Variants in PUM2 observed in about 807,000 individuals in gnomAD.
PUM2 encodes pumilio RNA binding family member 2.
In PUM2, 57 loss-of-function variants were observed where a neutral mutation model predicts 124.5. The ratio of observed to expected loss-of-function variants is 0.46; its 90% CI spans 0.37 to 0.57. The LOEUF is 0.57. Among genes scored for constraint, PUM2 ranks in the 20% least tolerant of loss-of-function variants. The pLI, the probability that PUM2 is intolerant of heterozygous loss-of-function variation, is 0.00. For missense variants in PUM2, 1,065 were observed against 1,290.6 expected, an observed-to-expected ratio of 0.83 and a Z score of 2.68; for synonymous variants, 460 against 446.1, an observed-to-expected ratio of 1.03 and a Z score of -0.39.
chr2:20,332,718 T>A (rs540067734), intron 1 of PUM2, among the ~76,000 whole-genome samples: 6 of 152,292 alleles, frequency 3.9e-5, no homozygotes, highest in Admixed American at 2.6e-4. Context: ...AAAGTTGGAA[T>A]TTGGACATAA....
chr2:20,269,516 T>A (rs562526476), intron 13 of PUM2, among the ~76,000 whole-genome samples: 40 of 152,258 alleles, frequency 2.6e-4, no homozygotes, highest in Admixed American at 4.6e-4. Context: ...ATTTGCCATA[T>A]AAAGACACAA....
At chr2:20,348,631 A>G (rs1402061246) in intron 1 of PUM2, among the ~76,000 whole-genome samples, 2 of 152,256 alleles carry the variant, frequency 1.3e-5, no homozygotes, top group Non-Finnish European at 2.9e-5. Context: ...TTTCCACACC[A>G]GAAAGGTTTA....
intron 7 of PUM2, among the ~76,000 whole-genome samples, chr2:20,305,769 A>C (rs572162599): frequency 6.6e-6 from 1 of 152,320 alleles, no homozygotes; most frequent in Non-Finnish European, 1.5e-5. Flanking sequence ...GCTACAATGA[A>C]AGACAGGAAG....
At chr2:20,289,540 G>A (rs1327683364) in intron 10 of PUM2, among the ~76,000 whole-genome samples, 1 of 151,982 alleles carries the variant, frequency 6.6e-6, no homozygotes, top group African/African-American at 2.4e-5. Context: ...TATATGGCTG[G>A]GGTATAAAAA....
intron 1 of PUM2, among the ~76,000 whole-genome samples, chr2:20,339,844 G>A (rs373468259): frequency 5.3e-5 from 8 of 152,118 alleles, no homozygotes; most frequent in Non-Finnish European, 1.5e-5. Flanking sequence ...CATGTGAGCC[G>A]AGATCGTGCC....
chr2:20,348,246 G>T (rs1244267611), intron 1 of PUM2, among the ~76,000 whole-genome samples: 1 of 152,036 alleles, frequency 6.6e-6, no homozygotes, highest in East Asian at 1.9e-4. Flanking sequence ...GGCTATAAGT[G>T]TAATTTTTAT....
chr2:20,351,587 G>T (rs1194006497), upstream of PUM2, among the ~76,000 whole-genome samples: 1 of 152,224 alleles, frequency 6.6e-6, no homozygotes, highest in Non-Finnish European at 1.5e-5. Flanking sequence ...TTACAGGCTA[G>T]TTGGAAACTC....
chr2:20,301,370 AAT>A (rs1676931630), intron 7 of PUM2, among the ~76,000 whole-genome samples: 1 of 152,156 alleles, frequency 6.6e-6, no homozygotes, highest in South Asian at 2.1e-4. Context: ...AGTTTAATTT[AAT>A]ATAGTTTTAT....
At chr2:20,294,619 A>G (rs1675068944) in intron 8 of PUM2, 101 bp from the exon 9 acceptor site, 1 of 1,303,058 alleles carries the variant, frequency 7.7e-7, no homozygotes, top group Non-Finnish European at 1.0e-6. Context: ...CAGGAAGAAG[A>G]CTTAGAGAAG....
intron 3 of PUM2, among the ~76,000 whole-genome samples, chr2:20,318,062 T>C (rs542021304): frequency 6.6e-6 from 1 of 152,220 alleles, no homozygotes; most frequent in Non-Finnish European, 1.5e-5. Flanking sequence ...AATAATGGGA[T>C]TGCTGGATTG....
At chr2:20,306,097 C>T (rs1290752840) in intron 7 of PUM2, among the ~76,000 whole-genome samples, 5 of 151,928 alleles carry the variant, frequency 3.3e-5, no homozygotes, top group Non-Finnish European at 7.4e-5. Context: ...CCCAGCTACT[C>T]GGGAGGCTGC....
intron 1 of PUM2, among the ~76,000 whole-genome samples, chr2:20,332,719 T>C (rs571462728): frequency 4.3e-4 from 66 of 152,158 alleles, no homozygotes; most frequent in Non-Finnish European, 9.6e-4. Flanking sequence ...AAGTTGGAAT[T>C]TGGACATAAA....
At chr2:20,274,957 C>CATAAAAAAAAAAAAAAAAAAAAA (rs1669863969) in intron 13 of PUM2, among the ~76,000 whole-genome samples, 1 of 31,428 alleles carries the variant, frequency 3.2e-5, no homozygotes, top group Non-Finnish European at 6.0e-5. Flanking sequence ...GAAGTATCTC[C>CATAAAAAAAAAAAAAAAAAAAAA]AAAAAAAAAA....
intron 8 of PUM2, 127 bp downstream of exon 8, chr2:20,297,426 A>G: frequency 2.1e-6 from 2 of 944,398 alleles, no homozygotes; most frequent in Non-Finnish European, 3.0e-6. Context: ...ACTTTAGTTC[A>G]TTCTGGATAA....
intron 1 of PUM2, among the ~76,000 whole-genome samples, chr2:20,343,972 G>T (rs771562500): frequency 1.4e-4 from 22 of 152,238 alleles, no homozygotes; most frequent in Non-Finnish European, 2.2e-4. Flanking sequence ...CTTAGATGGA[G>T]CATTATTGAG....
At chr2:20,300,299 G>A (rs1050692708) in intron 7 of PUM2, among the ~76,000 whole-genome samples, 5 of 152,102 alleles carry the variant, frequency 3.3e-5, no homozygotes, top group Non-Finnish European at 5.9e-5. Flanking sequence ...ACAGGCATGC[G>A]CCGCCACGCC....
chr2:20,337,344 T>C (rs1038159559), intron 1 of PUM2, among the ~76,000 whole-genome samples: 26 of 152,214 alleles, frequency 1.7e-4, no homozygotes, highest in African/African-American at 5.8e-4. Flanking sequence ...AGTAAAAGCA[T>C]TTATGCTTGA....
intron 1 of PUM2, among the ~76,000 whole-genome samples, chr2:20,336,524 T>TC (rs1686061459): frequency 6.6e-6 from 1 of 151,902 alleles, no homozygotes; most frequent in Admixed American, 6.6e-5. Context: ...ATAATTTTTT[T>TC]TTTTTTTAAA....
intron 7 of PUM2, among the ~76,000 whole-genome samples, chr2:20,305,766 TGAAA>T (rs1331965776): frequency 6.6e-6 from 1 of 152,036 alleles, no homozygotes; most frequent in African/African-American, 2.4e-5. Context: ...AAAGCTACAA[TGAAA>T]GACAGGAAGA....
Sources: allele counts gnomAD v4.1 joint callset (sites outside exome capture counted in the v4.1 genomes callset), GRCh38; gene constraint gnomAD v4.1.1; transcripts MANE v1.5; gene names NCBI Gene and HGNC (gene_info 2026-07-23, HGNC 2026-07-21).